The following TRIQK variants were observed in gnomAD, a reference collection of about 807,000 sequenced individuals.
TRIQK encodes triple QxxK/R motif-containing protein.
A neutral mutation model predicts 10.8 loss-of-function variants in TRIQK; 10 were observed. That is an observed-to-expected ratio of 0.92 (90% confidence interval 0.57 to 1.57). The LOEUF is 1.57. Ranked by LOEUF, TRIQK falls within the 40% of genes most tolerant of loss-of-function variation. The probability of loss-of-function intolerance (pLI) is 0.00; values close to 1 mark genes in which losing one functional copy is unlikely to be tolerated. For missense variants in TRIQK, 107 were observed against 97.7 expected, an observed-to-expected ratio of 1.09 and a Z score of -0.40; for synonymous variants, 33 against 33.7, an observed-to-expected ratio of 0.98 and a Z score of 0.07.
intron 3 of TRIQK, among the ~76,000 whole-genome samples, chr8:92,911,827 GTATA>G (rs1489431864): frequency 5.1e-4 from 75 of 147,758 alleles, no homozygotes; most frequent in Non-Finnish European, 1.2e-4. Context: ...ACATGTATAT[GTATA>G]TATACATATC....
At chr8:93,011,439 C>T (rs1415947931) in intron 1 of TRIQK, among the ~76,000 whole-genome samples, 1 of 151,996 alleles carries the variant, frequency 6.6e-6, no homozygotes, top group Non-Finnish European at 1.5e-5. Flanking sequence ...AGGCAAGATA[C>T]AGATGGAAAA....
intron 2 of TRIQK, among the ~76,000 whole-genome samples, chr8:92,948,165 T>C (rs138335090): frequency 2.6e-5 from 4 of 152,350 alleles, no homozygotes; most frequent in East Asian, 1.9e-4. Context: ...TTGTCCTTCA[T>C]AGGAAAAATA....
At chr8:92,992,738 A>G (rs536343571) in intron 1 of TRIQK, among the ~76,000 whole-genome samples, 10 of 152,294 alleles carry the variant, frequency 6.6e-5, no homozygotes, top group South Asian at 2.1e-4. Context: ...TCTGTGGGGC[A>G]GTTGAGTGGG....
intron 3 of TRIQK, among the ~76,000 whole-genome samples, chr8:92,912,868 G>A (rs59183045): frequency 0.051 from 7,731 of 151,802 alleles, 371 homozygotes; most frequent in East Asian, 0.24. Flanking sequence ...AGTACTAGAT[G>A]ACTTCAATTC....
chr8:92,951,441 C>T (rs939999682), intron 2 of TRIQK, among the ~76,000 whole-genome samples: 1 of 152,012 alleles, frequency 6.6e-6, no homozygotes, highest in Non-Finnish European at 1.5e-5. Flanking sequence ...AGAGTCACAG[C>T]TTACCAGACA....
At chr8:92,899,752 T>C (rs1808820152) in intron 3 of TRIQK, among the ~76,000 whole-genome samples, 1 of 152,112 alleles carries the variant, frequency 6.6e-6, no homozygotes, top group African/African-American at 2.4e-5. Context: ...TTTCCTTTCT[T>C]TTGCATATAT....
At chr8:92,901,198 G>C (rs1435075330) in intron 3 of TRIQK, among the ~76,000 whole-genome samples, 1 of 152,024 alleles carries the variant, frequency 6.6e-6, no homozygotes, top group African/African-American at 2.4e-5. Flanking sequence ...TGCAAACAAG[G>C]ATAATTTGAT....
intron 3 of TRIQK, among the ~76,000 whole-genome samples, chr8:92,909,208 A>T (rs1809438494): frequency 6.6e-6 from 1 of 151,982 alleles, no homozygotes; most frequent in South Asian, 2.1e-4. Context: ...GATGAATAAA[A>T]TTACAAATGC....
chr8:93,012,854 A>G (rs1468612999), intron 1 of TRIQK, among the ~76,000 whole-genome samples: 1 of 152,214 alleles, frequency 6.6e-6, no homozygotes, highest in Non-Finnish European at 1.5e-5. Context: ...TTGAGAATTC[A>G]TCAGAAATGC....
intron 3 of TRIQK, among the ~76,000 whole-genome samples, chr8:92,903,754 T>G (rs1809086822): frequency 6.6e-6 from 1 of 152,102 alleles, no homozygotes; most frequent in Non-Finnish European, 1.5e-5. Context: ...TAGTATGTCA[T>G]CAAAACAAAG....
At chr8:92,932,862 A>C (rs1396821947) in intron 2 of TRIQK, among the ~76,000 whole-genome samples, 1 of 152,078 alleles carries the variant, frequency 6.6e-6, no homozygotes, top group Non-Finnish European at 1.5e-5. Flanking sequence ...TGGCCAGTGA[A>C]AGTTCCTTCA....
At chr8:92,943,776 T>C (rs1811387132) in intron 2 of TRIQK, among the ~76,000 whole-genome samples, 1 of 152,148 alleles carries the variant, frequency 6.6e-6, no homozygotes. Context: ...CACATTGGAT[T>C]GAGCAAGGAT....
At chr8:93,007,593 G>T (rs1813287396) in intron 1 of TRIQK, among the ~76,000 whole-genome samples, 1 of 152,204 alleles carries the variant, frequency 6.6e-6, no homozygotes, top group African/African-American at 2.4e-5. Flanking sequence ...AGTTAAAGGA[G>T]CATGTTCTAA....
At chr8:92,909,970 T>C (rs1389857791) in intron 3 of TRIQK, among the ~76,000 whole-genome samples, 1 of 151,644 alleles carries the variant, frequency 6.6e-6, no homozygotes, top group Non-Finnish European at 1.5e-5. Flanking sequence ...GTATTCAATT[T>C]AGTTAAACAT....
intron 3 of TRIQK, among the ~76,000 whole-genome samples, chr8:92,908,868 A>C (rs185148927): frequency 1.3e-5 from 2 of 152,180 alleles, no homozygotes; most frequent in Admixed American, 1.3e-4. Context: ...ATCAACAATA[A>C]AGACTTTTAT....
In TRIQK at chr8:92,884,392, C is replaced by T. The variant is rs200493043; in HGVS notation, c.*2230G>A. Reference sequence around the variant, plus strand: ...TGTAAACATATATTGTGTCACTTTACCTACTATTTACTAAAATCAGAGAGT... The same window carrying T: ...TGTAAACATATATTGTGTCACTTTATCTACTATTTACTAAAATCAGAGAGT... On this transcript the variant is annotated 3_prime_UTR_variant, in exon 5 of 5. Coordinates refer to ENST00000521988, the MANE Select transcript of TRIQK (RefSeq NM_001171797.2). 15 of 170,364 alleles carry T rather than the reference C, an allele frequency of 8.8e-5. No individual in the cohort carries two copies. The East Asian group carries it at 2.2e-3, about 25-fold the overall frequency. 10.6% of individuals were successfully genotyped at this position (170,364 alleles called of 1,614,324 possible).
At chr8:92,916,254 C>G (rs964918767) in intron 3 of TRIQK, among the ~76,000 whole-genome samples, 7 of 152,054 alleles carry the variant, frequency 4.6e-5, no homozygotes, top group African/African-American at 1.2e-4. Flanking sequence ...CTCCATGTAT[C>G]CTTGAAAAGA....
intron 1 of TRIQK, among the ~76,000 whole-genome samples, chr8:92,977,202 T>A (rs897861812): frequency 6.6e-6 from 1 of 152,066 alleles, no homozygotes; most frequent in African/African-American, 2.4e-5. Flanking sequence ...TTTGTATGTC[T>A]AAATAAGTCT....
At chr8:92,940,740 G>C (rs1811226390) in intron 2 of TRIQK, among the ~76,000 whole-genome samples, 1 of 152,054 alleles carries the variant, frequency 6.6e-6, no homozygotes, top group Non-Finnish European at 1.5e-5. Flanking sequence ...AACTAATAAA[G>C]AAACATTGAA....
Sources: allele counts gnomAD v4.1 joint callset (sites outside exome capture counted in the v4.1 genomes callset), GRCh38; gene constraint gnomAD v4.1.1; transcripts MANE v1.5; gene names NCBI Gene and HGNC (gene_info 2026-07-23, HGNC 2026-07-21).